The following TYW5 variants were observed in gnomAD, a reference collection of about 807,000 sequenced individuals.
The protein encoded by TYW5 is tRNA-yW synthesizing protein 5, also known as tRNA wybutosine-synthesizing protein 5.
Under a neutral mutation model 44.4 loss-of-function variants are expected in TYW5, and 36 were observed. That is an observed-to-expected ratio of 0.81 (90% CI 0.62 to 1.07). The LOEUF is 1.07. TYW5 is among the 50% of genes least tolerant of loss of function. TYW5 has a pLI of 0.00. For missense variants in TYW5, 354 were observed against 365.7 expected (o/e 0.97, Z 0.26); for synonymous variants, 121 against 128.1 (o/e 0.94, Z 0.37).
Position 199,932,030 on chromosome 2 carries a change from T to TAAA in TYW5, c.*1036_*1037insTTT, listed in dbSNP as rs2077382305. On this transcript the variant is annotated 3_prime_UTR_variant, in exon 8 of 8. Coordinates refer to ENST00000354611, the MANE Select transcript of TYW5 (RefSeq NM_001039693.3). ...AGGTTTAGACATAGGTATAAATTATTTATTTTGTAACATTCAAAAACCAAA... is the reference window on the plus strand; with the variant it reads ...AGGTTTAGACATAGGTATAAATTATTAAATATTTTGTAACATTCAAAAACCAAA... 9.6e-6 allele frequency: 1 copy of TAAA among 104,404 alleles called. No individual in the cohort carries two copies. The highest frequency in any genetic ancestry group is 2.1e-5 in the Non-Finnish European group (1 of 48,212). The allele number at this position is 104,404 out of a possible 1,614,324, so 6.5% of individuals were successfully genotyped here. A position where few individuals can be genotyped will look rare whatever the true frequency, so the allele number is the denominator to read the frequency against.
chr2:199,946,651 T>G (rs780496444), intron 2 of TYW5: 9 of 152,250 alleles, frequency 5.9e-5, no homozygotes, highest in Middle Eastern at 3.4e-3. Flanking sequence ...AAAAGCAACC[T>G]CAATTTGAAG....
At position 199,935,964 on chromosome 2, in the gene TYW5, A is replaced by T; in HGVS notation, c.658T>A (p.Ser220Thr). Residue 220 changes from serine to threonine, a missense_variant, in exon 7 of 8, where the codon TCC becomes ACC. Coordinates refer to ENST00000354611, the MANE Select transcript of TYW5 (RefSeq NM_001039693.3). ...LFSKARRYEC[S>T]LEAGDVLFIP... Reference sequence around the variant, plus strand: ...AATAATACATCACCAGCTTCAAGGGAACATTCATATCTTCTAGCCTTGGAA... The same window carrying T: ...AATAATACATCACCAGCTTCAAGGGTACATTCATATCTTCTAGCCTTGGAA... The T allele has an allele frequency of 6.2e-7, 1 of 1,612,858 alleles. No individual in the cohort carries two copies. The highest frequency in any genetic ancestry group is 8.5e-7 in the Non-Finnish European group (1 of 1,179,130).
At chr2:199,955,246 T>G (rs1050631641) in intron 1 of TYW5, 147 bp downstream of exon 1, 1 of 837,556 alleles carries the variant, frequency 1.2e-6, no homozygotes, top group Non-Finnish European at 1.8e-6. Context: ...ACCTTTCCCT[T>G]GGTCTAAGGG....
At chr2:199,951,287 C>T (rs537034193) in intron 1 of TYW5, among the ~76,000 whole-genome samples, 7 of 152,116 alleles carry the variant, frequency 4.6e-5, no homozygotes, top group African/African-American at 1.7e-4. Flanking sequence ...ACTGTACTAA[C>T]TAGAATTCAG....
At chr2:199,938,127 C>T (rs1198130304) in intron 5 of TYW5, among the ~76,000 whole-genome samples, 2 of 151,158 alleles carry the variant, frequency 1.3e-5, no homozygotes, top group African/African-American at 4.9e-5. Flanking sequence ...TGCAACGGTG[C>T]GATCTCGGCT....
intron 1 of TYW5, 135 bp downstream of exon 1, chr2:199,955,258 C>A (rs760487261): frequency 2.0e-6 from 2 of 997,472 alleles, no homozygotes; most frequent in Non-Finnish European, 2.9e-6. Context: ...GTCTAAGGGC[C>A]AACCAGTGAT....
intron 1 of TYW5, among the ~76,000 whole-genome samples, chr2:199,949,989 T>C (rs1406214212): frequency 2.6e-5 from 4 of 152,098 alleles, no homozygotes; most frequent in African/African-American, 9.7e-5. Context: ...CCTTACATTA[T>C]GGCAAAAAAA....
intron 7 of TYW5, among the ~76,000 whole-genome samples, chr2:199,935,590 C>T (rs531001941): frequency 3.4e-5 from 5 of 147,556 alleles, no homozygotes; most frequent in Non-Finnish European, 1.5e-5. Context: ...TCAAGCAATC[C>T]TCCCACCTTG....
chr2:199,942,622 G>A (rs771783563), intron 3 of TYW5: 18 of 152,082 alleles, frequency 1.2e-4, no homozygotes, highest in Non-Finnish European at 5.9e-5. Context: ...GTTCTCAGGT[G>A]CAGCTAATGG....
rs1331483763 is a variant in TYW5, at chr2:199,929,175, G to C, written c.*3892C>G. On this transcript the variant is annotated 3_prime_UTR_variant, in exon 8 of 8. Transcript: ENST00000354611. ...TATTCTGTTTAATGGAACTTAGAAA[G>C]AGACTACATCGTGGGGTTGGGGGAG... Among the ~76,000 whole-genome samples, 1 of 141,590 alleles carries C rather than the reference G, an allele frequency of 7.1e-6. No individual in the cohort carries two copies. Among genetic ancestry groups the C allele is most frequent in the East Asian group, 2.0e-4 (1 of 4,964 alleles). 92.9% of individuals were successfully genotyped at this position (141,590 alleles called of 152,430 possible).
In TYW5 at chr2:199,951,432, G is replaced by A. The variant is rs541270499; in HGVS notation, c.79-2960C>T. 1.2e-4 allele frequency among the ~76,000 whole-genome samples: 19 copies of A among 152,100 alleles called. No individual in the cohort carries two copies. The South Asian group carries it at 3.7e-3, about 30-fold the overall frequency. ...GTTACTTTTTATATTCTATATTAGGGTCTTTTAAAAAATAATTTTTCATCC... is the reference window on the plus strand; with the variant it reads ...GTTACTTTTTATATTCTATATTAGGATCTTTTAAAAAATAATTTTTCATCC... On this transcript the variant is annotated intron_variant, in intron 1 of 7. Coordinates refer to ENST00000354611, the MANE Select transcript of TYW5 (RefSeq NM_001039693.3).
chr2:199,938,336 T>C (rs879413421), intron 5 of TYW5, among the ~76,000 whole-genome samples: 1 of 152,130 alleles, frequency 6.6e-6, no homozygotes, highest in Non-Finnish European at 1.5e-5. Flanking sequence ...AGTGCTGGGA[T>C]TACAGGTGTG....
In TYW5 at chr2:199,955,434, C is replaced by T; in HGVS notation, c.37G>A (p.Gly13Ser). The change falls in exon 1 of 8, where the codon GGC (glycine) becomes AGC (serine). Residue 13 changes from glycine to serine, a missense_variant. Transcript: ENST00000354611. The stretch of plus-strand genomic sequence containing the variant: ...TGCATGAACTGCTCCCGAGAAACGC[C>T]CTCCAGCCGGGGTACCGGGAGGTGC... Reference protein sequence around the residue: ...GQHLPVPRLEGVSREQFMQHL... With the variant: ...GQHLPVPRLESVSREQFMQHL... The T allele has an allele frequency of 5.0e-6, 8 of 1,613,982 alleles. No homozygotes were observed. The highest frequency in any genetic ancestry group is 5.9e-6 in the Non-Finnish European group (7 of 1,179,994).
rs776064352 is a variant in TYW5, at chr2:199,943,818, G to A, written c.250C>T (p.Gln84Ter). 37 of 1,608,808 alleles carry A rather than the reference G, an allele frequency of 2.3e-5. No homozygotes were observed. The highest frequency in any genetic ancestry group is 8.5e-7 in the Non-Finnish European group (1 of 1,178,762). The change falls in exon 3 of 8, where the codon CAG becomes TAG. Residue 84 changes from glutamine to a stop codon, truncating the protein, a stop_gained. Coordinates refer to ENST00000354611, the MANE Select transcript of TYW5 (RefSeq NM_001039693.3). LOFTEE classifies it high-confidence loss of function. ...NFVYRTLPFD[Q>*]LVQRAAEEKH... ...TCTTCAGCTGCCCTCTGGACCAACT[G>A]GTCAAAAGGTAAAGTTCTGAAATAA...
Position 199,938,934 on chromosome 2 carries a change from T to C in TYW5, c.485A>G (p.Asp162Gly). 1 of 1,603,946 alleles carries C rather than the reference T, an allele frequency of 6.2e-7. No individual in the cohort carries two copies. Among genetic ancestry groups the C allele is most frequent in the Non-Finnish European group, 8.5e-7 (1 of 1,177,174 alleles). ...AAATTTCTCATTTATGTAGCATACA[T>C]CATAATGAGTCCATAGTTGTAATCC... is the stretch of plus-strand genomic sequence containing the variant. ...SPGLQLWTHY[D>G]VMDNLLIQVT... Residue 162 changes from aspartate to glycine, a missense_variant and splice_region_variant, in exon 5 of 8, where the codon GAT (aspartate) becomes GGT (glycine). Transcript: ENST00000354611.
chr2:199,936,648 C>T (rs1449313772), intron 5 of TYW5, among the ~76,000 whole-genome samples, 156 bp from the exon 6 acceptor site: 1 of 152,170 alleles, frequency 6.6e-6, no homozygotes, highest in Admixed American at 6.6e-5. Flanking sequence ...CATTTGTATT[C>T]CATATACAAC....
intron 1 of TYW5, 65 bp downstream of exon 1, chr2:199,955,328 G>T: frequency 6.4e-7 from 1 of 1,564,656 alleles, no homozygotes; most frequent in Non-Finnish European, 8.7e-7. Context: ...GTTCCCAGCT[G>T]TCCGAAAGGT....
At chr2:199,948,911 T>C (rs554096219) in intron 1 of TYW5, among the ~76,000 whole-genome samples, 22 of 152,338 alleles carry the variant, frequency 1.4e-4, no homozygotes, top group African/African-American at 4.6e-4. Context: ...TTATTATTAA[T>C]TGAAATTAAA....
intron 5 of TYW5, 116 bp from the exon 6 acceptor site, chr2:199,936,608 A>G (rs538687485): frequency 9.8e-5 from 78 of 795,106 alleles, no homozygotes; most frequent in Non-Finnish European, 1.4e-4. Flanking sequence ...TGACTTACTT[A>G]AGACTCTTAC....
Sources: gnomAD v4.1 joint callset for allele counts (sites outside exome capture counted in the v4.1 genomes callset) on GRCh38, gnomAD v4.1.1 for gene constraint, MANE v1.5 for transcripts, NCBI Gene and HGNC (gene_info 2026-07-23, HGNC 2026-07-21) for gene names.